Variants in LRFN2 observed in about 807,000 individuals in gnomAD.
LRFN2 encodes the protein leucine rich repeat and fibronectin type III domain containing 2.
LRFN2 carries 18 observed loss-of-function variants against 37.3 expected under a neutral mutation model. The ratio of observed to expected loss-of-function variants is 0.48; its 90% confidence interval spans 0.33 to 0.72. The LOEUF (loss-of-function observed/expected upper bound fraction) is 0.72, where lower values mean the gene tolerates loss of function less well. LRFN2 is among the 30% of genes least tolerant of loss of function. The pLI is 0.02. For synonymous variants in LRFN2, 556 were observed against 466.6 expected (o/e 1.19, Z -2.47); for missense variants, 1,006 against 1,060.7 (o/e 0.95, Z 0.72).
chr6:40,543,593 G>A lies in LRFN2; in HGVS notation c.-19+43348C>T, dbSNP rs541403079. On this transcript the variant is annotated intron_variant, in intron 1 of 2. Coordinates refer to ENST00000338305, the MANE Select transcript of LRFN2 (RefSeq NM_020737.3). ...TTTATAAATCTCTTAAGCTTGACAT[G>A]GTGCTTTTTTTCAGCTCGAAGCCTA... Among the ~76,000 whole-genome samples the A allele has an allele frequency of 1.6e-4, 24 of 152,272 alleles. No homozygotes were observed. In the East Asian group the frequency reaches 4.4e-3, roughly 28 times the overall value.
intron 1 of LRFN2, among the ~76,000 whole-genome samples, chr6:40,503,988 T>C (rs1346253824): frequency 6.7e-6 from 1 of 148,532 alleles, no homozygotes; most frequent in Non-Finnish European, 1.5e-5. Flanking sequence ...AATTCTAAGA[T>C]GTTCATGCAG....
chr6:40,507,589 G>T (rs966634189), intron 1 of LRFN2, among the ~76,000 whole-genome samples: 4 of 152,180 alleles, frequency 2.6e-5, no homozygotes, highest in African/African-American at 9.7e-5. Context: ...AGGTTGGGCA[G>T]GCCGTTGGGA....
At chr6:40,557,202 C>T (rs1265678738) in intron 1 of LRFN2, among the ~76,000 whole-genome samples, 1 of 152,176 alleles carries the variant, frequency 6.6e-6, no homozygotes, top group African/African-American at 2.4e-5. Context: ...TCCATGAGTC[C>T]AGCACATGGC....
At chr6:40,561,821 C>T (rs944411582) in intron 1 of LRFN2, among the ~76,000 whole-genome samples, 3 of 152,064 alleles carry the variant, frequency 2.0e-5, no homozygotes, top group Non-Finnish European at 4.4e-5. Flanking sequence ...GCTGGAGAGG[C>T]GGGTAGAATA....
chr6:40,442,093 C>T (rs1763851058), intron 1 of LRFN2, among the ~76,000 whole-genome samples: 1 of 152,198 alleles, frequency 6.6e-6, no homozygotes, highest in Admixed American at 6.5e-5. Flanking sequence ...ACAGAGCACC[C>T]CAGTTCACTA....
chr6:40,398,222 C>T (rs532996906), intron 2 of LRFN2, among the ~76,000 whole-genome samples: 1 of 151,866 alleles, frequency 6.6e-6, no homozygotes, highest in Admixed American at 6.5e-5. Flanking sequence ...GATGCCAGAA[C>T]ACACCCACAG....
chr6:40,496,784 C>T (rs1581750494), intron 1 of LRFN2, among the ~76,000 whole-genome samples: 2 of 152,102 alleles, frequency 1.3e-5, no homozygotes, highest in South Asian at 2.1e-4. Flanking sequence ...AATATGAGAC[C>T]CTTTGGGGCA....
At chr6:40,505,920 C>G (rs1765521386) in intron 1 of LRFN2, among the ~76,000 whole-genome samples, 1 of 152,198 alleles carries the variant, frequency 6.6e-6, no homozygotes, top group Admixed American at 6.5e-5. Context: ...GCTCAAATGA[C>G]CTTGACATGA....
chr6:40,472,765 C>T (rs1339137350), intron 1 of LRFN2, among the ~76,000 whole-genome samples: 1 of 152,170 alleles, frequency 6.6e-6, no homozygotes, highest in African/African-American at 2.4e-5. Context: ...CTGCCTGCAC[C>T]TGCTGCCTCA....
intron 2 of LRFN2, among the ~76,000 whole-genome samples, chr6:40,407,701 C>T (rs1192700435): frequency 2.6e-5 from 4 of 152,154 alleles, no homozygotes; most frequent in Non-Finnish European, 4.4e-5. Flanking sequence ...CCAGCTGTGC[C>T]CAAGTCACGC....
chr6:40,437,721 G>A (rs1763721530), intron 1 of LRFN2, among the ~76,000 whole-genome samples: 1 of 152,180 alleles, frequency 6.6e-6, no homozygotes, highest in South Asian at 2.1e-4. Context: ...CAAGGGGACT[G>A]GATGAATATG....
At chr6:40,580,513 G>T (rs890680483) in intron 1 of LRFN2, among the ~76,000 whole-genome samples, 1 of 152,212 alleles carries the variant, frequency 6.6e-6, no homozygotes, top group East Asian at 1.9e-4. Flanking sequence ...AGTGATAGGT[G>T]AATCTCTGGA....
intron 1 of LRFN2, among the ~76,000 whole-genome samples, chr6:40,500,097 C>T (rs146773757): frequency 3.6e-3 from 553 of 152,382 alleles, no homozygotes; most frequent in African/African-American, 0.012. Context: ...TTAGCCTCCA[C>T]GACTGCAGAC....
At chr6:40,500,417 C>T (rs1011830010) in intron 1 of LRFN2, among the ~76,000 whole-genome samples, 2 of 152,238 alleles carry the variant, frequency 1.3e-5, no homozygotes, top group African/African-American at 4.8e-5. Flanking sequence ...GAGGGGCAGG[C>T]GGCTAATAGC....
At chr6:40,468,452 G>A (rs1764521594) in intron 1 of LRFN2, among the ~76,000 whole-genome samples, 1 of 152,188 alleles carries the variant, frequency 6.6e-6, no homozygotes, top group East Asian at 1.9e-4. Flanking sequence ...CTTTGGGGAA[G>A]AAGGGGTGTT....
intron 1 of LRFN2, among the ~76,000 whole-genome samples, chr6:40,469,726 GGGCCTTTC>G (rs1435233460): frequency 6.6e-6 from 1 of 152,056 alleles, no homozygotes; most frequent in Non-Finnish European, 1.5e-5. Flanking sequence ...GCCCTGGCAG[GGGCCTTTC>G]GGGGTTCCAG....
intron 2 of LRFN2, among the ~76,000 whole-genome samples, chr6:40,413,659 A>G (rs1763023272): frequency 6.6e-6 from 1 of 152,200 alleles, no homozygotes; most frequent in Non-Finnish European, 1.5e-5. Flanking sequence ...GAAGGCATGC[A>G]TCAGCCTGCC....
intron 1 of LRFN2, among the ~76,000 whole-genome samples, chr6:40,549,653 G>A (rs182584563): frequency 6.6e-6 from 1 of 152,300 alleles, no homozygotes; most frequent in Admixed American, 6.5e-5. Flanking sequence ...TATTGTATGT[G>A]AGCAAAGATA....
intron 1 of LRFN2, among the ~76,000 whole-genome samples, chr6:40,540,966 C>G (rs982400352): frequency 1.3e-5 from 2 of 152,208 alleles, no homozygotes; most frequent in Non-Finnish European, 2.9e-5. Context: ...GATGTGCCCC[C>G]GGCAAAGAAG....
Sources: allele counts gnomAD v4.1 joint callset (sites outside exome capture counted in the v4.1 genomes callset), GRCh38; gene constraint gnomAD v4.1.1; transcripts MANE v1.5; gene names NCBI Gene and HGNC (gene_info 2026-07-23, HGNC 2026-07-21).